Variants in CDHR1 observed in about 807,000 individuals in gnomAD.
The protein encoded by CDHR1 is cadherin related family member 1, also known as cadherin-related family member 1.
Under a neutral mutation model 72.1 loss-of-function variants are expected in CDHR1, and 61 were observed. That is an observed-to-expected ratio of 0.85 (90% CI 0.69 to 1.05). CDHR1 has a LOEUF of 1.05. Ranked by LOEUF, CDHR1 falls within the 50% of genes least tolerant of loss-of-function variation. The pLI is 0.00. For synonymous variants in CDHR1, 470 were observed against 448.1 expected, an observed-to-expected ratio of 1.05 and a Z score of -0.62; for missense variants, 1,186 against 1,115.7, an observed-to-expected ratio of 1.06 and a Z score of -0.90.
chr10:84,198,426 C>T (rs1419271842), intron 4 of CDHR1, among the ~76,000 whole-genome samples: 1 of 152,176 alleles, frequency 6.6e-6, no homozygotes, highest in Non-Finnish European at 1.5e-5. Context: ...TTTTCTCTCA[C>T]ATCCACCCCA....
chr10:84,198,565 T>G (rs1358404072), intron 4 of CDHR1, among the ~76,000 whole-genome samples: 1 of 152,208 alleles, frequency 6.6e-6, no homozygotes, highest in East Asian at 1.9e-4. Flanking sequence ...TCTGGCAAAC[T>G]GCCTCATGGA....
chr10:84,212,469 T>A, intron 15 of CDHR1, 62 bp downstream of exon 15: 1 of 1,376,912 alleles, frequency 7.3e-7, no homozygotes, highest in Non-Finnish European at 1.0e-6. Flanking sequence ...CAAGAGATAC[T>A]GAGGCATAAG....
intron 10 of CDHR1, among the ~76,000 whole-genome samples, chr10:84,207,468 G>A (rs1333316550): frequency 1.3e-5 from 2 of 152,194 alleles, no homozygotes; most frequent in African/African-American, 4.8e-5. Context: ...GTGTCAAGGA[G>A]TGGAGTCCAG....
In CDHR1 at chr10:84,203,016, T is replaced by C. The variant is rs756341257; in HGVS notation, c.676T>C (p.Phe226Leu). The change falls in exon 8 of 17, where the codon TTC (phenylalanine) becomes CTC (leucine). Residue 226 changes from phenylalanine to leucine, a missense_variant. By Grantham distance (22) the Phe-to-Leu change is conservative (BLOSUM62 0). Coordinates refer to ENST00000623527, the MANE Select transcript of CDHR1 (RefSeq NM_033100.4). Reference sequence around the variant, plus strand: ...GAGGCTTCATGGGGCTGATGTGGTGTTCTCAGCCACCACCACGGTCACGGT... The same window carrying C: ...GAGGCTTCATGGGGCTGATGTGGTGCTCTCAGCCACCACCACGGTCACGGT... ...GGRLHGADVV[F>L]SATTTVTVNV... 4.3e-6 allele frequency: 7 copies of C among 1,614,154 alleles called. No homozygotes were observed. Among genetic ancestry groups the C allele is most frequent in the Non-Finnish European group, 5.9e-6 (7 of 1,179,978 alleles).
In CDHR1 at chr10:84,203,116, C is replaced by T. The variant is rs747762103; in HGVS notation, c.776C>T (p.Thr259Ile). 1 of 1,614,166 alleles carries T rather than the reference C, an allele frequency of 6.2e-7. No homozygotes were observed. Among genetic ancestry groups the T allele is most frequent in the Non-Finnish European group, 8.5e-7 (1 of 1,180,040 alleles). The change falls in exon 8 of 17, where the codon ACC becomes ATC. Residue 259 changes from threonine (T) to isoleucine (I), a missense_variant. Thr to Ile is a moderately conservative substitution (Grantham distance 89, BLOSUM62 -1). Transcript: ENST00000623527. ...TPYYGYVYED[T>I]LPGSEVLKVV... ...TACTATGGCTATGTGTACGAGGACA[C>T]CCTTCCGGTGGGTGGCTGTCCCCCT... is the stretch of plus-strand genomic sequence containing the variant.
At chr10:84,197,703 G>A (rs940367851) in intron 3 of CDHR1, 83 bp from the exon 4 acceptor site, 5 of 1,273,396 alleles carry the variant, frequency 3.9e-6, no homozygotes, top group Non-Finnish European at 3.4e-6. Flanking sequence ...TGGGTGCGTG[G>A]GGCAGGGAGA....
rs1014555092 is a variant in CDHR1 at position 84,214,738 on chromosome 10, G to T, written c.*117G>T. 1.2e-5 allele frequency: 18 copies of T among 1,564,976 alleles called. No homozygotes were observed. The African/African-American group carries it at 1.6e-4, about 14-fold the overall frequency. On this transcript the variant is annotated 3_prime_UTR_variant, in exon 17 of 17. Coordinates refer to ENST00000623527, the MANE Select transcript of CDHR1 (RefSeq NM_033100.4). ...TCACTGACCCCTGTTTTGCACAATG[G>T]TATAATCCCCACTGTCCTCATCTCT...
chr10:84,208,657 A>G, intron 11 of CDHR1, 72 bp from the exon 12 acceptor site: 1 of 1,471,198 alleles, frequency 6.8e-7, no homozygotes, highest in East Asian at 2.3e-5. Context: ...GCACGTGAAG[A>G]CTTCTATATA....
At chr10:84,202,875 C>T in intron 7 of CDHR1, 105 bp from the exon 8 acceptor site, 1 of 1,241,690 alleles carries the variant, frequency 8.1e-7, no homozygotes, top group Non-Finnish European at 1.2e-6. Flanking sequence ...GAGAGGACAG[C>T]TGGCCTCACA....
At chr10:84,212,696 G>A (rs1015259709) in intron 15 of CDHR1, among the ~76,000 whole-genome samples, 4 of 152,264 alleles carry the variant, frequency 2.6e-5, no homozygotes, top group East Asian at 1.9e-4. Context: ...TTTTCTCACC[G>A]CACTTTGTCA....
In CDHR1 at chr10:84,217,036, C is replaced by T; in HGVS notation, c.*2415C>T. 3 of 985,596 alleles carry T rather than the reference C, an allele frequency of 3.0e-6. No homozygotes were observed. The highest frequency in any genetic ancestry group is 3.6e-6 in the Non-Finnish European group (3 of 830,052). 61.1% of individuals were successfully genotyped at this position (985,596 alleles called of 1,614,324 possible). A position where few individuals can be genotyped will look rare whatever the true frequency, so the allele number is the denominator to read the frequency against. On this transcript the variant is annotated 3_prime_UTR_variant, in exon 17 of 17. Transcript: ENST00000623527. ...GGCAGAGCCAATCTTGCAAACTGGC[C>T]ATGGATGGGGAAGTGCCCGGTAGCC...
chr10:84,215,720 G>T lies in CDHR1; in HGVS notation c.*1099G>T. 1.0e-6 allele frequency: 1 copy of T among 985,434 alleles called. No individual in the cohort carries two copies. The highest frequency in any genetic ancestry group is 1.2e-6 in the Non-Finnish European group (1 of 829,936). 61.0% of individuals were successfully genotyped at this position (985,434 alleles called of 1,614,324 possible). ...TTTTCTGCAGCCCAGTTCTGTGGGTGCAGCTCTTCCAGAAAGTATTAGGAG... is the reference window on the plus strand; with the variant it reads ...TTTTCTGCAGCCCAGTTCTGTGGGTTCAGCTCTTCCAGAAAGTATTAGGAG... On this transcript the variant is annotated 3_prime_UTR_variant, in exon 17 of 17. Coordinates refer to ENST00000623527, the MANE Select transcript of CDHR1 (RefSeq NM_033100.4).
chr10:84,215,724 C>G lies in CDHR1; in HGVS notation c.*1103C>G. Reference sequence around the variant, plus strand: ...CTGCAGCCCAGTTCTGTGGGTGCAGCTCTTCCAGAAAGTATTAGGAGCCTC... The same window carrying G: ...CTGCAGCCCAGTTCTGTGGGTGCAGGTCTTCCAGAAAGTATTAGGAGCCTC... On this transcript the variant is annotated 3_prime_UTR_variant, in exon 17 of 17. Transcript: ENST00000623527. 2 of 985,442 alleles carry G rather than the reference C, an allele frequency of 2.0e-6. No individual in the cohort carries two copies. Among genetic ancestry groups the G allele is most frequent in the East Asian group, 1.1e-4 (1 of 8,814 alleles). The allele number at this position is 985,442 out of a possible 1,614,324, so 61.0% of individuals were successfully genotyped here.
rs41309994 is a variant in CDHR1 at position 84,214,788 on chromosome 10, A to T, written c.*167A>T. On this transcript the variant is annotated 3_prime_UTR_variant, in exon 17 of 17. Transcript: ENST00000623527. ...TACCGCCACCTTCTGGCGCAACAAG[A>T]AGTTGCGCTCTGACAGGGCTCTAGT... 2,962 of 1,549,896 alleles carry T rather than the reference A, an allele frequency of 1.9e-3. 6 individuals carry two copies. Among genetic ancestry groups the T allele is most frequent in the Non-Finnish European group, 2.3e-3 (2,663 of 1,155,650 alleles).
chr10:84,204,520 C>T lies in CDHR1; in HGVS notation c.784-7C>T, dbSNP rs766440621. 1 of 1,608,470 alleles carries T rather than the reference C, an allele frequency of 6.2e-7. No homozygotes were observed. The highest frequency in any genetic ancestry group is 8.5e-7 in the Non-Finnish European group (1 of 1,174,864). ...CATCAGGCAGCGGCTGTTCCTGTTT[C>T]CCCGAGGGCTCGGAGGTACTGAAGG... is the stretch of plus-strand genomic sequence containing the variant. On this transcript the variant is annotated splice_polypyrimidine_tract_variant and splice_region_variant and intron_variant, in intron 8 of 16. Coordinates refer to ENST00000623527, the MANE Select transcript of CDHR1 (RefSeq NM_033100.4).
At chr10:84,212,496 A>C in intron 15 of CDHR1, 89 bp downstream of exon 15, 1 of 1,210,868 alleles carries the variant, frequency 8.3e-7, no homozygotes, top group Non-Finnish European at 1.2e-6. Flanking sequence ...ATTGAAGATA[A>C]AATTTTTTGG....
chr10:84,208,489 G>A (rs1842270810), intron 11 of CDHR1, 112 bp downstream of exon 11: 1 of 1,226,838 alleles, frequency 8.2e-7, no homozygotes, highest in Non-Finnish European at 1.2e-6. Flanking sequence ...GGACCAGGTG[G>A]GCCACAAAAT....
At position 84,212,373 on chromosome 10, in the gene CDHR1, A is replaced by C. The variant is rs1842351401; in HGVS notation, c.1748A>C (p.Lys583Thr). ...CAGTTTGGAAAGAGCGTTCAGAAGA[A>C]GACGATGGTGCTAGGGACCCCAGTG... ...PPQFGKSVQK[K>T]TMVLGTPVKI... is the part of the protein sequence containing the mutation. Residue 583 changes from lysine to threonine, a missense_variant, in exon 15 of 17, where the codon AAG becomes ACG. Coordinates refer to ENST00000623527, the MANE Select transcript of CDHR1 (RefSeq NM_033100.4). 1 of 1,614,212 alleles carries C rather than the reference A, an allele frequency of 6.2e-7. No individual in the cohort carries two copies. The highest frequency in any genetic ancestry group is 8.5e-7 in the Non-Finnish European group (1 of 1,180,036).
chr10:84,202,828 A>C, intron 7 of CDHR1, 152 bp from the exon 8 acceptor site: 1 of 830,614 alleles, frequency 1.2e-6, no homozygotes, highest in Non-Finnish European at 2.0e-6. Context: ...TGAGAGAAGA[A>C]TTATCTCCGG....
Sources: gnomAD v4.1 joint callset for allele counts (sites outside exome capture counted in the v4.1 genomes callset) on GRCh38, gnomAD v4.1.1 for gene constraint, MANE v1.5 for transcripts, NCBI Gene and HGNC (gene_info 2026-07-23, HGNC 2026-07-21) for gene names.